Variants in CADM1 observed in about 807,000 individuals in gnomAD.
CADM1 encodes the protein cell adhesion molecule 1.
A neutral mutation model predicts 53.1 loss-of-function variants in CADM1; 15 were observed. That is an observed-to-expected ratio of 0.28 (90% confidence interval 0.19 to 0.44). CADM1 has a LOEUF of 0.44. Among genes scored for constraint, CADM1 ranks in the 20% least tolerant of loss-of-function variants. CADM1 has a pLI of 1.00. For synonymous variants in CADM1, 281 were observed against 243.0 expected (o/e 1.16, Z -1.45); for missense variants, 434 against 611.3 (o/e 0.71, Z 3.06).
chr11:115,242,876 T>C (rs1942288528), intron 1 of CADM1, among the ~76,000 whole-genome samples: 1 of 152,208 alleles, frequency 6.6e-6, no homozygotes, highest in African/African-American at 2.4e-5. Context: ...TTTAACAGAA[T>C]AGTTCCTGTG....
chr11:115,414,657 CG>C (rs1947548870), intron 1 of CADM1, among the ~76,000 whole-genome samples: 1 of 152,078 alleles, frequency 6.6e-6, no homozygotes, highest in Admixed American at 6.6e-5. Flanking sequence ...ACCACTAGAA[CG>C]GAAAAGTCAC....
chr11:115,241,466 AG>A (rs2134918483), intron 1 of CADM1, among the ~76,000 whole-genome samples: 1 of 152,332 alleles, frequency 6.6e-6, no homozygotes, highest in South Asian at 2.1e-4. Flanking sequence ...TCAATTGGGA[AG>A]GGGAGAGAGA....
rs1941866043 is a variant in CADM1 at position 115,232,742 on chromosome 11, G to A, written c.425-1252C>T. Reference sequence around the variant, plus strand: ...AATTTCATATGCAACCTTACCTCAGGACTGAGCCTGTTGAAATAAAAATCA... The same window carrying A: ...AATTTCATATGCAACCTTACCTCAGAACTGAGCCTGTTGAAATAAAAATCA... On this transcript the variant is annotated intron_variant, in intron 3 of 11. Transcript: ENST00000331581. Among the ~76,000 whole-genome samples, 3 of 152,028 alleles carry A rather than the reference G, an allele frequency of 2.0e-5. No homozygotes were observed. In the South Asian group the frequency reaches 6.2e-4, roughly 32 times the overall value.
chr11:115,365,079 T>C (rs971835443), intron 1 of CADM1, among the ~76,000 whole-genome samples: 1 of 152,124 alleles, frequency 6.6e-6, no homozygotes, highest in Non-Finnish European at 1.5e-5. Context: ...TTCTGCAGAG[T>C]CATCCTGGTG....
intron 7 of CADM1, among the ~76,000 whole-genome samples, chr11:115,212,887 G>A (rs1018726320): frequency 2.0e-5 from 3 of 152,166 alleles, no homozygotes; most frequent in Non-Finnish European, 2.9e-5. Flanking sequence ...ATAGGGCATG[G>A]AATAAAGTGA....
chr11:115,487,124 T>C (rs1949391394), intron 1 of CADM1, among the ~76,000 whole-genome samples: 1 of 152,232 alleles, frequency 6.6e-6, no homozygotes, highest in African/African-American at 2.4e-5. Context: ...GTTTGGAAAT[T>C]GAAAGATTCA....
chr11:115,394,035 G>A lies in CADM1; in HGVS notation c.124+110236C>T, dbSNP rs574999463. Reference sequence around the variant, plus strand: ...CCCTTTTTCATAGTATGTACAGGTAGAGTAATCATTTTGACTATCTAAAAC... The same window carrying A: ...CCCTTTTTCATAGTATGTACAGGTAAAGTAATCATTTTGACTATCTAAAAC... On this transcript the variant is annotated intron_variant, in intron 1 of 11. Transcript: ENST00000331581. 4.6e-5 allele frequency among the ~76,000 whole-genome samples: 7 copies of A among 152,256 alleles called. No individual in the cohort carries two copies. In the South Asian group the frequency reaches 1.2e-3, roughly 27 times the overall value.
intron 1 of CADM1, among the ~76,000 whole-genome samples, chr11:115,261,175 T>C (rs1942964171): frequency 6.6e-6 from 1 of 152,130 alleles, no homozygotes; most frequent in South Asian, 2.1e-4. Context: ...TATAAAACCA[T>C]CAAAGATGTT....
intron 1 of CADM1, among the ~76,000 whole-genome samples, chr11:115,473,740 G>GA (rs531984665): frequency 3.4e-4 from 51 of 150,988 alleles, no homozygotes; most frequent in Non-Finnish European, 6.6e-4. Flanking sequence ...AAACTTTTAG[G>GA]AAAAAAAACA....
chr11:115,438,140 AT>A (rs1227154184), intron 1 of CADM1, among the ~76,000 whole-genome samples: 1 of 152,206 alleles, frequency 6.6e-6, no homozygotes, highest in Non-Finnish European at 1.5e-5. Context: ...GCAAAACAGT[AT>A]AACCTAGTCT....
intron 1 of CADM1, among the ~76,000 whole-genome samples, chr11:115,369,136 G>C (rs1335654418): frequency 6.7e-6 from 1 of 148,502 alleles, no homozygotes; most frequent in Non-Finnish European, 1.5e-5. Context: ...GGGAATCATT[G>C]TAAGTAGCAG....
intron 1 of CADM1, among the ~76,000 whole-genome samples, chr11:115,455,359 A>C (rs1948660701): frequency 6.6e-6 from 1 of 152,054 alleles, no homozygotes; most frequent in African/African-American, 2.4e-5. Context: ...GGTGGTGGCA[A>C]AAGTATCTCT....
At chr11:115,377,692 C>G (rs934151616) in intron 1 of CADM1, 2 of 152,126 alleles carry the variant, frequency 1.3e-5, no homozygotes, top group African/African-American at 4.8e-5. Context: ...AACTAGTATT[C>G]TCACTTTATT....
At chr11:115,230,755 G>C (rs1941785379) in intron 4 of CADM1, among the ~76,000 whole-genome samples, 1 of 152,134 alleles carries the variant, frequency 6.6e-6, no homozygotes, top group African/African-American at 2.4e-5. Flanking sequence ...TGGTGAATTG[G>C]GCAACTGAAT....
At position 115,307,518 on chromosome 11, in the gene CADM1, AT is replaced by A. The variant is rs375569427; in HGVS notation, c.125-67099del. 1.0e-2 allele frequency among the ~76,000 whole-genome samples: 485 copies of A among 48,732 alleles called. 2 individuals are homozygous for A. The highest frequency in any genetic ancestry group is 0.033 in the African/African-American group (369 of 11,350). The allele number at this position is 48,732 out of a possible 152,430, so 32.0% of individuals were successfully genotyped here. On this transcript the variant is annotated intron_variant, in intron 1 of 11. Coordinates refer to ENST00000331581, the MANE Select transcript of CADM1 (RefSeq NM_001301043.2). ...AACTATTTAAGCCAGGAAAAAAAAAATATATATATATATATATGCTGAGACC... is the reference window on the plus strand; with the variant it reads ...AACTATTTAAGCCAGGAAAAAAAAAAATATATATATATATATGCTGAGACC...
intron 1 of CADM1, among the ~76,000 whole-genome samples, chr11:115,445,198 G>A (rs1232930459): frequency 6.6e-6 from 1 of 152,032 alleles, no homozygotes; most frequent in Non-Finnish European, 1.5e-5. Context: ...GGGTTTGACT[G>A]GGTTTTCATC....
At chr11:115,277,872 G>C (rs1441456582) in intron 1 of CADM1, among the ~76,000 whole-genome samples, 1 of 152,084 alleles carries the variant, frequency 6.6e-6, no homozygotes, top group Non-Finnish European at 1.5e-5. Context: ...CTGAGCAAGT[G>C]GTCTAGGCAC....
chr11:115,458,465 G>A (rs1424605538), intron 1 of CADM1, among the ~76,000 whole-genome samples: 1 of 149,684 alleles, frequency 6.7e-6, no homozygotes, highest in Non-Finnish European at 1.5e-5. Flanking sequence ...TGCTTGGCAG[G>A]CAGTAGGTAT....
At chr11:115,193,408 A>G (rs1939990242) in intron 9 of CADM1, among the ~76,000 whole-genome samples, 1 of 152,238 alleles carries the variant, frequency 6.6e-6, no homozygotes, top group African/African-American at 2.4e-5. Context: ...AAAGATGCAA[A>G]CATGGTAATT....
Sources: allele counts gnomAD v4.1 joint callset (sites outside exome capture counted in the v4.1 genomes callset), GRCh38; gene constraint gnomAD v4.1.1; transcripts MANE v1.5; gene names NCBI Gene and HGNC (gene_info 2026-07-23, HGNC 2026-07-21).